Variants in NCOA1 observed in about 807,000 individuals in gnomAD.
The protein encoded by NCOA1 is Hin-2 protein.
In NCOA1, 35 loss-of-function variants were observed where a neutral mutation model predicts 150.9. That is an observed-to-expected ratio of 0.23 (90% CI 0.18 to 0.31). NCOA1 has a LOEUF of 0.31. NCOA1 is among the 10% of genes least tolerant of loss of function. The pLI is 1.00. For synonymous variants in NCOA1, 590 were observed against 630.0 expected (o/e 0.94, Z 0.95); for missense variants, 1,491 against 1,749.3 (o/e 0.85, Z 2.63).
intron 14 of NCOA1, among the ~76,000 whole-genome samples, chr2:24,720,106 C>T (rs1469038992): frequency 6.6e-6 from 1 of 152,080 alleles, no homozygotes; most frequent in Non-Finnish European, 1.5e-5. Flanking sequence ...AAGACCTCAT[C>T]TATAATGAGG....
chr2:24,547,866 G>A (rs553907807), intron 1 of NCOA1, among the ~76,000 whole-genome samples: 17 of 151,630 alleles, frequency 1.1e-4, no homozygotes, highest in Middle Eastern at 3.4e-3. Context: ...GCGGGCACCC[G>A]TAGTCTCAGC....
intron 19 of NCOA1, among the ~76,000 whole-genome samples, chr2:24,750,618 C>A (rs1323178797): frequency 6.6e-6 from 1 of 152,136 alleles, no homozygotes; most frequent in African/African-American, 2.4e-5. Flanking sequence ...AATTTCCCCC[C>A]AAAAAGCAAA....
chr2:24,603,822 A>T (rs1210139902), intron 3 of NCOA1, among the ~76,000 whole-genome samples: 1 of 152,358 alleles, frequency 6.6e-6, no homozygotes, highest in South Asian at 2.1e-4. Context: ...TTGATCTCCC[A>T]TGAATCACGA....
chr2:24,642,570 A>G (rs1670280631), intron 3 of NCOA1, among the ~76,000 whole-genome samples: 1 of 152,132 alleles, frequency 6.6e-6, no homozygotes, highest in Admixed American at 6.6e-5. Context: ...CTTCTAGTAG[A>G]CAGCTAAATT....
At chr2:24,631,947 A>G (rs1669728851) in intron 3 of NCOA1, among the ~76,000 whole-genome samples, 1 of 152,212 alleles carries the variant, frequency 6.6e-6, no homozygotes. Context: ...GTGATAATAT[A>G]TACATGAAGT....
At chr2:24,637,114 G>T in intron 3 of NCOA1, among the ~76,000 whole-genome samples, 1 of 149,272 alleles carries the variant, frequency 6.7e-6, no homozygotes, top group Admixed American at 6.7e-5. Flanking sequence ...TAAGTTTTAG[G>T]GTACATGTGC....
intron 1 of NCOA1, among the ~76,000 whole-genome samples, chr2:24,548,633 G>T (rs1365932347): frequency 6.6e-6 from 1 of 152,148 alleles, no homozygotes; most frequent in Non-Finnish European, 1.5e-5. Flanking sequence ...AGATACTTGG[G>T]GGTACAGGCA....
At chr2:24,674,123 A>ATGTGTGTGTGTGTGTG (rs146841550) in intron 7 of NCOA1, among the ~76,000 whole-genome samples, 1 of 145,502 alleles carries the variant, frequency 6.9e-6, no homozygotes. Context: ...ATATGTATGT[A>ATGTGTGTGTGTGTGTG]TGTGTGTGTG....
At chr2:24,635,263 T>C (rs1669891012) in intron 3 of NCOA1, among the ~76,000 whole-genome samples, 2 of 152,156 alleles carry the variant, frequency 1.3e-5, no homozygotes, top group Admixed American at 6.5e-5. Flanking sequence ...CATATCTTTT[T>C]TGAATATGGA....
At chr2:24,663,815 T>G (rs188094614) in intron 5 of NCOA1, among the ~76,000 whole-genome samples, 31 of 152,348 alleles carry the variant, frequency 2.0e-4, no homozygotes, top group African/African-American at 6.7e-4. Flanking sequence ...TTTAGCTTCT[T>G]GCTTTCTCTA....
intron 1 of NCOA1, among the ~76,000 whole-genome samples, chr2:24,557,357 T>C (rs929449381): frequency 1.3e-5 from 2 of 152,196 alleles, no homozygotes; most frequent in African/African-American, 4.8e-5. Flanking sequence ...ATTTTACTTC[T>C]ATATGTTACT....
At chr2:24,613,092 T>C (rs1377356979) in intron 3 of NCOA1, among the ~76,000 whole-genome samples, 1 of 152,162 alleles carries the variant, frequency 6.6e-6, no homozygotes, top group Non-Finnish European at 1.5e-5. Context: ...ATTTTTTTTT[T>C]CTTTCCCTTT....
chr2:24,516,556 A>G (rs1364346932), intron 1 of NCOA1, among the ~76,000 whole-genome samples: 3 of 151,670 alleles, frequency 2.0e-5, no homozygotes, highest in Admixed American at 6.6e-5. Context: ...GTCATTACGC[A>G]GTGACATTAT....
chr2:24,649,103 T>C (rs55653121), intron 4 of NCOA1, among the ~76,000 whole-genome samples: 6,435 of 152,070 alleles, frequency 0.042, 206 homozygotes, highest in African/African-American at 0.092. Flanking sequence ...TTTATTTTAT[T>C]TTTTTAAAAA....
chr2:24,591,555 ATGT>A (rs1221594715), intron 3 of NCOA1, among the ~76,000 whole-genome samples: 1 of 152,120 alleles, frequency 6.6e-6, no homozygotes, highest in Non-Finnish European at 1.5e-5. Flanking sequence ...TAGCTTGTGG[ATGT>A]GAGAGTTCTT....
At chr2:24,575,682 T>C (rs898294594) in intron 2 of NCOA1, among the ~76,000 whole-genome samples, 2 of 151,596 alleles carry the variant, frequency 1.3e-5, no homozygotes, top group African/African-American at 4.8e-5. Context: ...CACGCCATTC[T>C]CCTGCCTCAG....
At chr2:24,739,291 G>A (rs1170344635) in intron 17 of NCOA1, 141 bp from the exon 18 acceptor site, 2 of 623,400 alleles carry the variant, frequency 3.2e-6, no homozygotes, top group South Asian at 4.2e-5. Flanking sequence ...TAGCCTTTTG[G>A]AAAATAAACA....
At chr2:24,738,623 T>C (rs946764124) in intron 17 of NCOA1, among the ~76,000 whole-genome samples, 2 of 152,186 alleles carry the variant, frequency 1.3e-5, no homozygotes, top group African/African-American at 4.8e-5. Flanking sequence ...TTGCATAGTA[T>C]ATCCCTTCTT....
chr2:24,760,306 A>ATTTTTTTTTTTTTTTTTTTT (rs70947842), intron 21 of NCOA1, among the ~76,000 whole-genome samples: 2 of 99,740 alleles, frequency 2.0e-5, no homozygotes, highest in African/African-American at 3.8e-5. Context: ...TGCCCGGCTA[A>ATTTTTTTTTTTTTTTTTTTT]TTTTTTTTTT....
Sources: allele counts gnomAD v4.1 joint callset (sites outside exome capture counted in the v4.1 genomes callset), GRCh38; gene constraint gnomAD v4.1.1; transcripts MANE v1.5; gene names NCBI Gene and HGNC (gene_info 2026-07-23, HGNC 2026-07-21).